TBCK: variants seen among roughly 807,000 people sequenced by gnomAD.
The protein encoded by TBCK is TBC domain-containing protein kinase-like protein.
In TBCK, 99 loss-of-function variants were observed where a neutral mutation model predicts 113.4. The ratio of observed to expected loss-of-function variants is 0.87; its 90% confidence interval spans 0.74 to 1.03. TBCK has a LOEUF of 1.03. TBCK is among the 50% of genes least tolerant of loss of function. TBCK has a pLI of 0.00. For missense variants in TBCK, 1,045 were observed against 1,061.3 expected (o/e 0.98, Z 0.21); for synonymous variants, 369 against 370.8 (o/e 1.00, Z 0.05).
chr4:106,062,505 T>C (rs1274663722), intron 25 of TBCK, among the ~76,000 whole-genome samples: 3 of 151,930 alleles, frequency 2.0e-5, no homozygotes, highest in African/African-American at 7.2e-5. Context: ...CTGGTCATAT[T>C]ACACAAAGTA....
At chr4:106,276,416 A>C (rs950190409) in intron 3 of TBCK, among the ~76,000 whole-genome samples, 4 of 152,178 alleles carry the variant, frequency 2.6e-5, no homozygotes, top group African/African-American at 9.6e-5. Flanking sequence ...CTTGATCACA[A>C]ACTGTAACTT....
intron 23 of TBCK, among the ~76,000 whole-genome samples, chr4:106,131,450 T>C (rs1383720439): frequency 6.6e-6 from 1 of 152,050 alleles, no homozygotes; most frequent in Non-Finnish European, 1.5e-5. Flanking sequence ...CCGTCTCTAC[T>C]AAAAAGACAA....
At chr4:106,115,865 GTGTAT>G (rs931255350) in intron 24 of TBCK, among the ~76,000 whole-genome samples, 1 of 152,178 alleles carries the variant, frequency 6.6e-6, no homozygotes, top group African/African-American at 2.4e-5. Context: ...GGTAAAACAG[GTGTAT>G]ACTTACTCTT....
chr4:106,221,384 A>C (rs1455394444), intron 19 of TBCK, among the ~76,000 whole-genome samples: 1 of 152,138 alleles, frequency 6.6e-6, no homozygotes, highest in East Asian at 1.9e-4. Context: ...TATTATTAAA[A>C]GTTATATGTT....
chr4:106,133,523 T>C (rs1465887976), intron 23 of TBCK, among the ~76,000 whole-genome samples: 3 of 152,192 alleles, frequency 2.0e-5, no homozygotes, highest in Admixed American at 6.5e-5. Flanking sequence ...CAGGCTTTCA[T>C]GCATTCAAGG....
intron 20 of TBCK, among the ~76,000 whole-genome samples, chr4:106,211,685 A>T (rs1201534419): frequency 6.6e-6 from 1 of 152,098 alleles, no homozygotes; most frequent in African/African-American, 2.4e-5. Flanking sequence ...AGTTTTTAAC[A>T]TTACAAAAAA....
chr4:106,303,592 A>G (rs1767183795), intron 2 of TBCK, among the ~76,000 whole-genome samples: 1 of 152,130 alleles, frequency 6.6e-6, no homozygotes, highest in African/African-American at 2.4e-5. Context: ...TCTCTTGGCC[A>G]AGGGGACCCC....
intron 5 of TBCK, among the ~76,000 whole-genome samples, chr4:106,258,752 A>G (rs936895327): frequency 6.6e-6 from 1 of 151,998 alleles, no homozygotes; most frequent in Non-Finnish European, 1.5e-5. Context: ...CACTTGTACT[A>G]CAGCTACTTA....
intron 24 of TBCK, among the ~76,000 whole-genome samples, chr4:106,108,270 A>T (rs1408989681): frequency 6.6e-6 from 1 of 151,762 alleles, no homozygotes; most frequent in Non-Finnish European, 1.5e-5. Flanking sequence ...GGCCAGCATC[A>T]TCTTCATACC....
intron 2 of TBCK, among the ~76,000 whole-genome samples, chr4:106,302,374 A>G (rs1579570393): frequency 6.6e-6 from 1 of 152,178 alleles, no homozygotes; most frequent in African/African-American, 2.4e-5. Context: ...CGACTTTGAT[A>G]ATCAAAAAGA....
chr4:106,104,631 C>T (rs913658039), intron 24 of TBCK, among the ~76,000 whole-genome samples: 5 of 152,052 alleles, frequency 3.3e-5, no homozygotes, highest in African/African-American at 1.2e-4. Context: ...GATGCTCTAC[C>T]AAAATGTGGC....
At chr4:106,188,271 T>G (rs1031659456) in intron 22 of TBCK, among the ~76,000 whole-genome samples, 1 of 152,206 alleles carries the variant, frequency 6.6e-6, no homozygotes, top group Admixed American at 6.5e-5. Flanking sequence ...TTTTGGTCCT[T>G]ACATTCTTAT....
At position 106,171,903 on chromosome 4, in the gene TBCK, T is replaced by A. The variant is rs189421109; in HGVS notation, c.2060-633A>T. 1.6e-4 allele frequency among the ~76,000 whole-genome samples: 24 copies of A among 152,264 alleles called. No individual in the cohort carries two copies. In the East Asian group the frequency reaches 4.3e-3, roughly 27 times the overall value. ...TGGAGTGCAGTGGTGCAATCACGGC[T>A]CACTGCAACCTTGGCCTCCCAGGTT... On this transcript the variant is annotated intron_variant, in intron 22 of 25. Coordinates refer to ENST00000394708, the MANE Select transcript of TBCK (RefSeq NM_001163435.3).
intron 23 of TBCK, among the ~76,000 whole-genome samples, chr4:106,155,896 T>C (rs1243340170): frequency 2.0e-5 from 3 of 152,148 alleles, no homozygotes; most frequent in African/African-American, 7.2e-5. Context: ...GTGGCTTATT[T>C]AGTTCATTTA....
At chr4:106,075,291 G>A (rs1738044732) in intron 25 of TBCK, among the ~76,000 whole-genome samples, 1 of 152,180 alleles carries the variant, frequency 6.6e-6, no homozygotes, top group Non-Finnish European at 1.5e-5. Context: ...ACAGTTTCTT[G>A]AAACGATTTC....
intron 25 of TBCK, among the ~76,000 whole-genome samples, chr4:106,053,338 A>G (rs1222961185): frequency 6.6e-6 from 1 of 151,668 alleles, no homozygotes; most frequent in East Asian, 1.9e-4. Flanking sequence ...TAATCTCCAC[A>G]TTGTCAAATC....
rs559482144 is a variant in TBCK, at chr4:106,114,510, G to C, written c.2411+1693C>G. Among the ~76,000 whole-genome samples the C allele has an allele frequency of 6.6e-4, 101 of 152,244 alleles. 4 individuals are homozygous for C. The South Asian group carries it at 0.02, about 30-fold the overall frequency. On this transcript the variant is annotated intron_variant, in intron 24 of 25. Coordinates refer to ENST00000394708, the MANE Select transcript of TBCK (RefSeq NM_001163435.3). Reference sequence around the variant, plus strand: ...ATCTGTAACTAAATAAATGCCTGCAGCACCAGCTTGTCAGGGCTACAGCTG... The same window carrying C: ...ATCTGTAACTAAATAAATGCCTGCACCACCAGCTTGTCAGGGCTACAGCTG...
intron 24 of TBCK, among the ~76,000 whole-genome samples, chr4:106,111,396 G>T (rs996046216): frequency 2.6e-5 from 4 of 152,184 alleles, no homozygotes; most frequent in Non-Finnish European, 5.9e-5. Flanking sequence ...AATCATTATT[G>T]ACTTAAAAGG....
intron 20 of TBCK, among the ~76,000 whole-genome samples, chr4:106,199,995 G>C (rs1021917485): frequency 6.6e-5 from 10 of 152,072 alleles, no homozygotes; most frequent in African/African-American, 2.4e-4. Context: ...AACAATAAAA[G>C]CCAAAGTCCT....
Sources: gnomAD v4.1 joint callset for allele counts (sites outside exome capture counted in the v4.1 genomes callset) on GRCh38, gnomAD v4.1.1 for gene constraint, MANE v1.5 for transcripts, NCBI Gene and HGNC (gene_info 2026-07-23, HGNC 2026-07-21) for gene names.